MDGA2: variants seen among roughly 807,000 people sequenced by gnomAD.
MDGA2 encodes the protein MAM domain containing glycosylphosphatidylinositol anchor 2, also known as MAM domain-containing glycosylphosphatidylinositol anchor protein 2.
A neutral mutation model predicts 117.8 loss-of-function variants in MDGA2; 40 were observed. That is an observed-to-expected ratio of 0.34 (90% CI 0.26 to 0.44). The LOEUF is 0.44. Among genes scored for constraint, MDGA2 ranks in the 20% least tolerant of loss-of-function variants. MDGA2 has a pLI of 1.00. For missense variants in MDGA2, 1,123 were observed against 1,250.6 expected, an observed-to-expected ratio of 0.90 and a Z score of 1.54; for synonymous variants, 452 against 439.0, an observed-to-expected ratio of 1.03 and a Z score of -0.37.
intron 2 of MDGA2, among the ~76,000 whole-genome samples, chr14:47,293,989 T>C (rs1220404062): frequency 6.6e-6 from 1 of 151,968 alleles, no homozygotes; most frequent in Non-Finnish European, 1.5e-5. Flanking sequence ...CAAGCTATGC[T>C]AATACATTTA....
At chr14:46,856,822 A>T (rs1300693300) in intron 14 of MDGA2, among the ~76,000 whole-genome samples, 2 of 151,908 alleles carry the variant, frequency 1.3e-5, no homozygotes, top group Non-Finnish European at 2.9e-5. Flanking sequence ...ATTTCAATTT[A>T]TTTACTCTAC....
intron 10 of MDGA2, 89 bp from the exon 11 acceptor site, chr14:46,882,310 A>T: frequency 8.6e-7 from 1 of 1,162,578 alleles, no homozygotes; most frequent in Non-Finnish European, 1.2e-6. Context: ...AATTTTATTA[A>T]ATCAAAAAGT....
rs1295168149 is a variant in MDGA2, at chr14:47,035,256, C to G, written c.1574G>C (p.Arg525Thr). 6.2e-7 allele frequency: 1 copy of G among 1,614,054 alleles called. No homozygotes were observed. Among genetic ancestry groups the G allele is most frequent in the Non-Finnish European group, 8.5e-7 (1 of 1,179,966 alleles). ...VPQEKSPLVT[R>T]EGDTIELQCQ... Reference sequence around the variant, plus strand: ...TTGCAGTTCTATTGTGTCTCCTTCTCTGGTGACCAATGGTGATTTTTCCTG... The same window carrying G: ...TTGCAGTTCTATTGTGTCTCCTTCTGTGGTGACCAATGGTGATTTTTCCTG... Residue 525 changes from arginine to threonine, a missense_variant, in exon 8 of 17, where the codon AGA (arginine) becomes ACA (threonine). This residue lies in a region of MDGA2 where 890 missense variants were observed against 1,050.3 expected (regional missense o/e 0.85). Transcript: ENST00000399232.
At chr14:47,579,628 T>C (rs1309950577) in intron 1 of MDGA2, among the ~76,000 whole-genome samples, 5 of 152,034 alleles carry the variant, frequency 3.3e-5, no homozygotes, top group Non-Finnish European at 5.9e-5. Flanking sequence ...TGGACTGATA[T>C]GATAATTTAA....
intron 2 of MDGA2, among the ~76,000 whole-genome samples, chr14:47,288,291 C>A (rs946560660): frequency 1.3e-5 from 2 of 152,106 alleles, no homozygotes; most frequent in Non-Finnish European, 2.9e-5. Context: ...TCAGAAAATT[C>A]TTTTCAAAAT....
intron 6 of MDGA2, among the ~76,000 whole-genome samples, chr14:47,077,756 A>G (rs1277604875): frequency 6.6e-6 from 1 of 152,070 alleles, no homozygotes; most frequent in African/African-American, 2.4e-5. Flanking sequence ...ATGGTAAGTC[A>G]TATATTACAC....
intron 1 of MDGA2, among the ~76,000 whole-genome samples, chr14:47,612,197 TAGATAGATAGAC>T (rs779602796): frequency 7.7e-4 from 113 of 146,202 alleles, no homozygotes; most frequent in South Asian, 1.8e-3. Flanking sequence ...ATGTGATAGA[TAGATAGATAGAC>T]AGATAGATAG....
chr14:47,329,239 T>A (rs1890229109), intron 1 of MDGA2, among the ~76,000 whole-genome samples: 1 of 152,052 alleles, frequency 6.6e-6, no homozygotes, highest in Non-Finnish European at 1.5e-5. Context: ...GCCCGTAGTC[T>A]CTATTATGTT....
chr14:47,429,128 G>A (rs182810149), intron 1 of MDGA2, among the ~76,000 whole-genome samples: 57 of 151,902 alleles, frequency 3.8e-4, no homozygotes, highest in African/African-American at 1.3e-3. Flanking sequence ...GGGAAGCTGA[G>A]ACATGAGAAT....
intron 2 of MDGA2, among the ~76,000 whole-genome samples, chr14:47,265,072 T>A (rs78394968): frequency 0.029 from 4,457 of 152,252 alleles, 218 homozygotes; most frequent in African/African-American, 0.1. Context: ...ATTTGTAGCA[T>A]TTGCCAATTT....
At chr14:47,119,743 T>C (rs1881551485) in intron 5 of MDGA2, among the ~76,000 whole-genome samples, 1 of 152,224 alleles carries the variant, frequency 6.6e-6, no homozygotes, top group Non-Finnish European at 1.5e-5. Context: ...TTAGTCTCTT[T>C]TCCTCCTTTT....
At chr14:47,510,374 G>C (rs1024191292) in intron 1 of MDGA2, among the ~76,000 whole-genome samples, 5 of 152,200 alleles carry the variant, frequency 3.3e-5, no homozygotes, top group Non-Finnish European at 5.9e-5. Context: ...AACTAAGACA[G>C]AAATATACAG....
At chr14:47,504,308 T>C (rs1032419910) in intron 1 of MDGA2, among the ~76,000 whole-genome samples, 1 of 152,348 alleles carries the variant, frequency 6.6e-6, no homozygotes, top group Admixed American at 6.5e-5. Context: ...CAGATGTTAA[T>C]TTTGAATACT....
At chr14:47,631,685 G>T (rs1594953324) in intron 1 of MDGA2, among the ~76,000 whole-genome samples, 2 of 151,918 alleles carry the variant, frequency 1.3e-5, no homozygotes. Context: ...TTTCCCAATT[G>T]TTTATTTTCA....
At chr14:47,200,523 C>CTTTTT in intron 3 of MDGA2, 1 of 600,882 alleles carries the variant, frequency 1.7e-6, no homozygotes, top group Non-Finnish European at 2.6e-6. Context: ...TTTCTTTTTT[C>CTTTTT]TTTTTCTTTT....
chr14:47,389,743 G>A (rs2138435190), intron 1 of MDGA2, among the ~76,000 whole-genome samples: 1 of 152,224 alleles, frequency 6.6e-6, no homozygotes, highest in South Asian at 2.1e-4. Flanking sequence ...GAAAAAAGGG[G>A]GGAGGGATTT....
At chr14:47,390,948 C>T (rs1034588101) in intron 1 of MDGA2, among the ~76,000 whole-genome samples, 2 of 152,028 alleles carry the variant, frequency 1.3e-5, no homozygotes, top group African/African-American at 2.4e-5. Flanking sequence ...TCTATTTTTC[C>T]AACCCTTATC....
In MDGA2 at chr14:47,155,873, TTTCTTC is replaced by T. The variant is rs1478151626; in HGVS notation, c.596-11605_596-11600del. On this transcript the variant is annotated intron_variant, in intron 3 of 16. Coordinates refer to ENST00000399232, the MANE Select transcript of MDGA2 (RefSeq NM_001113498.3). ...ATGAATTTTTTTACAATTCTTTTCTTTTCTTCTTCTTCTTCTTTTTTTTTTTTTTTT... is the reference window on the plus strand; with the variant it reads ...ATGAATTTTTTTACAATTCTTTTCTTTTCTTCTTCTTTTTTTTTTTTTTTT... 2.8e-3 allele frequency among the ~76,000 whole-genome samples: 298 copies of T among 105,834 alleles called. 1 individual carries two copies. Among genetic ancestry groups the T allele is most frequent in the Non-Finnish European group, 4.1e-3 (221 of 53,576 alleles). 69.4% of individuals were successfully genotyped at this position (105,834 alleles called of 152,430 possible). A position where few individuals can be genotyped will look rare whatever the true frequency, so the allele number is the denominator to read the frequency against.
At chr14:46,873,359 G>C in intron 14 of MDGA2, 74 bp downstream of exon 14, 2 of 1,347,810 alleles carry the variant, frequency 1.5e-6, no homozygotes, top group East Asian at 5.1e-5. Context: ...TTGTTTTAAT[G>C]CTGTGTGTTT....
Sources: gnomAD v4.1 joint callset for allele counts (sites outside exome capture counted in the v4.1 genomes callset) on GRCh38, gnomAD v4.1.1 for gene constraint, gnomAD v4.1.1 regional missense constraint, MANE v1.5 for transcripts, NCBI Gene and HGNC (gene_info 2026-07-23, HGNC 2026-07-21) for gene names.